WDFY4: variants seen among roughly 807,000 people sequenced by gnomAD.
WDFY4 encodes WD repeat- and FYVE domain-containing protein 4.
A neutral mutation model predicts 351.9 loss-of-function variants in WDFY4; 169 were observed. That is an observed-to-expected ratio of 0.48 (90% confidence interval 0.42 to 0.55). The LOEUF (loss-of-function observed/expected upper bound fraction) is 0.55, where lower values mean the gene tolerates loss of function less well. WDFY4 is among the 20% of genes least tolerant of loss of function. WDFY4 has a pLI of 0.00. For missense variants in WDFY4, 3,803 were observed against 3,935.6 expected (o/e 0.97, Z 0.90); for synonymous variants, 1,622 against 1,574.6 (o/e 1.03, Z -0.71).
At chr10:48,910,207 A>C (rs1225079973) in intron 47 of WDFY4, 1 of 1,177,284 alleles carries the variant, frequency 8.5e-7, no homozygotes, top group Non-Finnish European at 1.2e-6. Flanking sequence ...CTGTTAGCTG[A>C]GTAGTCTTCA....
At chr10:48,742,907 G>GT (rs2064897392) in intron 11 of WDFY4, 61 bp from the exon 12 acceptor site, 15 of 1,443,990 alleles carry the variant, frequency 1.0e-5, no homozygotes, top group Non-Finnish European at 1.4e-5. Context: ...AGGAATGTGT[G>GT]TGGGCTCAGG....
chr10:48,745,921 A>G, intron 12 of WDFY4: 1 of 240,132 alleles, frequency 4.2e-6, no homozygotes, highest in Non-Finnish European at 8.2e-6. Flanking sequence ...GGGCCAGGAA[A>G]TAACAGGGGC....
At chr10:48,954,217 G>C (rs1022506827) in intron 51 of WDFY4, among the ~76,000 whole-genome samples, 47 of 152,138 alleles carry the variant, frequency 3.1e-4, no homozygotes, top group Non-Finnish European at 1.0e-4. Context: ...TGTCTTAACT[G>C]AGCACAAAAT....
chr10:48,780,472 C>G (rs911502809), intron 19 of WDFY4, among the ~76,000 whole-genome samples: 1 of 152,178 alleles, frequency 6.6e-6, no homozygotes, highest in African/African-American at 2.4e-5. Context: ...TGGGCAGGGC[C>G]TAAGGTATGA....
chr10:48,713,114 T>A (rs1323749628), intron 2 of WDFY4, among the ~76,000 whole-genome samples: 1 of 152,204 alleles, frequency 6.6e-6, no homozygotes, highest in Non-Finnish European at 1.5e-5. Flanking sequence ...CCCTAGGGTG[T>A]GGGGTCTTGT....
At position 48,919,336 on chromosome 10, in the gene WDFY4, C is replaced by T. The variant is rs574601453; in HGVS notation, c.7586+17473C>T. Among the ~76,000 whole-genome samples the T allele has an allele frequency of 8.5e-5, 13 of 152,140 alleles. No homozygotes were observed. The South Asian group carries it at 1.5e-3, about 17-fold the overall frequency. Reference sequence around the variant, plus strand: ...TCAACTAAAAACTACTAAATATTTGCGAAGGAATGAAAACCCAAATAGACC... The same window carrying T: ...TCAACTAAAAACTACTAAATATTTGTGAAGGAATGAAAACCCAAATAGACC... On this transcript the variant is annotated intron_variant, in intron 47 of 61. Transcript: ENST00000325239.
chr10:48,724,447 TGTGGAAATGTAG>T (rs1565131718), intron 5 of WDFY4, among the ~76,000 whole-genome samples: 2 of 152,064 alleles, frequency 1.3e-5, no homozygotes, highest in African/African-American at 4.8e-5. Flanking sequence ...GAGCTGCATT[TGTGGAAATGTAG>T]GTGTCATCTG....
intron 47 of WDFY4, among the ~76,000 whole-genome samples, chr10:48,918,379 A>G (rs1050946733): frequency 1.3e-5 from 2 of 152,192 alleles, no homozygotes; most frequent in Admixed American, 1.3e-4. Flanking sequence ...AACTAAAAGA[A>G]TGTAAAAAGA....
chr10:48,900,116 T>C lies in WDFY4; in HGVS notation c.7438-105T>C, dbSNP rs976797582. 142 of 956,888 alleles carry C rather than the reference T, an allele frequency of 1.5e-4. No individual in the cohort carries two copies. The East Asian group carries it at 2.0e-3, about 14-fold the overall frequency. The allele number at this position is 956,888 out of a possible 1,614,324, so 59.3% of individuals were successfully genotyped here. On this transcript the variant is annotated intron_variant, in intron 45 of 61. Transcript: ENST00000325239. ...CAAAAGGACGACCCAGGAAGGGTCTTCTGACACGGAGACCCGCAATGACCC... is the reference window on the plus strand; with the variant it reads ...CAAAAGGACGACCCAGGAAGGGTCTCCTGACACGGAGACCCGCAATGACCC...
At position 48,938,918 on chromosome 10, in the gene WDFY4, G is replaced by A. The variant is rs550829464; in HGVS notation, c.7587-2888G>A. Among the ~76,000 whole-genome samples, 7 of 152,290 alleles carry A rather than the reference G, an allele frequency of 4.6e-5. No homozygotes were observed. In the East Asian group the frequency reaches 7.7e-4, roughly 17 times the overall value. On this transcript the variant is annotated intron_variant, in intron 47 of 61. Coordinates refer to ENST00000325239, the MANE Select transcript of WDFY4 (RefSeq NM_001394531.1). ...TTGATGTGATGTCCCCTGTATGTCCGCCTGTGCTAGGCCCAATAAGGCCAG... is the reference window on the plus strand; with the variant it reads ...TTGATGTGATGTCCCCTGTATGTCCACCTGTGCTAGGCCCAATAAGGCCAG...
Position 48,779,895 on chromosome 10 carries a change from C to CAGTGT in WDFY4, c.3398-43_3398-39dup. ...CCCTCCCCATTCTCCTGGGTTCCTG[C>CAGTGT]AGTGTAGCACCACACGTGAGACTCA... On this transcript the variant is annotated intron_variant, in intron 18 of 61. Coordinates refer to ENST00000325239, the MANE Select transcript of WDFY4 (RefSeq NM_001394531.1). 5 of 1,545,816 alleles carry CAGTGT rather than the reference C, an allele frequency of 3.2e-6. No homozygotes were observed. In the South Asian group the frequency reaches 6.0e-5, roughly 18 times the overall value.
chr10:48,754,960 T>C (rs1201250630), intron 12 of WDFY4, among the ~76,000 whole-genome samples: 2 of 152,146 alleles, frequency 1.3e-5, no homozygotes, highest in Non-Finnish European at 2.9e-5. Context: ...GAAGTAAAAG[T>C]CTCTTTTTTT....
At position 48,800,711 on chromosome 10, in the gene WDFY4, TTTCTTTCTTTCA is replaced by T. The variant is rs1209219740; in HGVS notation, c.4411-2564_4411-2553del. 5.2e-3 allele frequency among the ~76,000 whole-genome samples: 717 copies of T among 137,792 alleles called. 7 individuals carry two copies. Among genetic ancestry groups the T allele is most frequent in the African/African-American group, 0.017 (581 of 34,642 alleles). 90.4% of individuals were successfully genotyped at this position (137,792 alleles called of 152,430 possible). ...CTTTCTTTCTTTCTTTCTTTCTTTC[TTTCTTTCTTTCA>T]TTCTTTCTTTTTTTTTTTTTTTGTT... is the stretch of plus-strand genomic sequence containing the variant. On this transcript the variant is annotated intron_variant, in intron 24 of 61. Transcript: ENST00000325239.
In WDFY4 at chr10:48,917,021, T is replaced by C. The variant is rs117930853; in HGVS notation, c.7586+15158T>C. Among the ~76,000 whole-genome samples the C allele has an allele frequency of 1.4e-4, 21 of 152,272 alleles. No homozygotes were observed. In the East Asian group the frequency reaches 3.3e-3, roughly 24 times the overall value. On this transcript the variant is annotated intron_variant, in intron 47 of 61. Coordinates refer to ENST00000325239, the MANE Select transcript of WDFY4 (RefSeq NM_001394531.1). Reference sequence around the variant, plus strand: ...TTACTTTACCTCTTCCAGGTTTAGATACACAAATACTTACCCTTGTGTTAC... The same window carrying C: ...TTACTTTACCTCTTCCAGGTTTAGACACACAAATACTTACCCTTGTGTTAC...
intron 51 of WDFY4, among the ~76,000 whole-genome samples, chr10:48,953,853 A>G (rs555447156): frequency 1.3e-5 from 2 of 152,332 alleles, no homozygotes; most frequent in South Asian, 4.1e-4. Flanking sequence ...AGAGGGGTTT[A>G]TGAATGTCTA....
chr10:48,702,357 C>T (rs1253684727), intron 1 of WDFY4, among the ~76,000 whole-genome samples: 1 of 152,186 alleles, frequency 6.6e-6, no homozygotes. Context: ...ATTTCTATCC[C>T]CCGCAAAATT....
intron 19 of WDFY4, among the ~76,000 whole-genome samples, chr10:48,781,948 T>C (rs1589594771): frequency 1.3e-5 from 2 of 152,192 alleles, no homozygotes; most frequent in Admixed American, 6.5e-5. Flanking sequence ...AGATTTCCTA[T>C]CCCATGGGGT....
At chr10:48,867,486 T>G (rs1005096228) in intron 40 of WDFY4, 144 bp downstream of exon 40, 5 of 405,324 alleles carry the variant, frequency 1.2e-5, no homozygotes, top group Non-Finnish European at 1.7e-5. Context: ...TTATCCTAAA[T>G]GCAATGGGTT....
chr10:48,853,892 AGT>A (rs141370072), intron 39 of WDFY4, among the ~76,000 whole-genome samples: 1,621 of 152,272 alleles, frequency 0.011, 26 homozygotes, highest in African/African-American at 0.037. Flanking sequence ...TTCGTAATCT[AGT>A]GCCTGGAAAA....
Sources: gnomAD v4.1 joint callset for allele counts (sites outside exome capture counted in the v4.1 genomes callset) on GRCh38, gnomAD v4.1.1 for gene constraint, MANE v1.5 for transcripts, NCBI Gene and HGNC (gene_info 2026-07-23, HGNC 2026-07-21) for gene names.